FLT3: variants seen among roughly 807,000 people sequenced by gnomAD.
FLT3 encodes fms related receptor tyrosine kinase 3, also known as receptor-type tyrosine-protein kinase FLT3.
A neutral mutation model predicts 126.6 loss-of-function variants in FLT3; 46 were observed. The observed-to-expected ratio is 0.36, with a 90% CI of 0.29 to 0.46. The LOEUF (loss-of-function observed/expected upper bound fraction) is 0.46, where lower values mean the gene tolerates loss of function less well. FLT3 is among the 20% of genes least tolerant of loss of function. The pLI, the probability that FLT3 is intolerant of heterozygous loss-of-function variation, is 1.00. For missense variants in FLT3, 1,069 were observed against 1,190.3 expected, an observed-to-expected ratio of 0.90 and a Z score of 1.50; for synonymous variants, 404 against 434.4, an observed-to-expected ratio of 0.93 and a Z score of 0.87.
At position 28,027,079 on chromosome 13, in the gene FLT3, GCCTCTTA is replaced by G. The variant is rs1204002800; in HGVS notation, c.2207+2_2207+8del. On this transcript the variant is annotated splice_donor_variant and splice_donor_5th_base_variant and intron_variant, in intron 17 of 23. Coordinates refer to ENST00000241453, the MANE Select transcript of FLT3 (RefSeq NM_004119.3). LOFTEE classifies it high-confidence loss of function. Reference sequence around the variant, plus strand: ...TGTGTAATTACGAAACCCTGACCCAGCCTCTTACCTGGAATTTGGATGTGATTGGAAA... The same window carrying G: ...TGTGTAATTACGAAACCCTGACCCAGCCTGGAATTTGGATGTGATTGGAAA... The G allele has an allele frequency of 2.5e-6, 4 of 1,611,974 alleles. No individual in the cohort carries two copies. Among genetic ancestry groups the G allele is most frequent in the Non-Finnish European group, 3.4e-6 (4 of 1,178,808 alleles).
rs1873751847 is a variant in FLT3, at chr13:28,035,525, A to T, written c.1567T>A (p.Ser523Thr). 3.1e-6 allele frequency: 5 copies of T among 1,613,962 alleles called. No homozygotes were observed. In the East Asian group the frequency reaches 1.1e-4, roughly 36 times the overall value. The change falls in exon 12 of 24, where the codon TCT becomes ACT. Residue 523 changes from serine to threonine, a missense_variant. Ser to Thr is a moderately conservative substitution (Grantham distance 58). Coordinates refer to ENST00000241453, the MANE Select transcript of FLT3 (RefSeq NM_004119.3). ...KCCAYNSLGT[S>T]CETILLNSPG... ...GAGTTTAAAAGGATCGTCTCACAAG[A>T]TGTGCCAAGGGAATTGTATGCACAG...
intron 1 of FLT3, among the ~76,000 whole-genome samples, chr13:28,094,550 A>T (rs1488981877): frequency 1.3e-5 from 2 of 152,046 alleles, no homozygotes; most frequent in Non-Finnish European, 2.9e-5. Context: ...CCCACGTTAG[A>T]GTACAGTGGC....
Position 28,067,108 on chromosome 13 carries a change from C to T in FLT3, c.165+3383G>A, listed in dbSNP as rs571346160. Among the ~76,000 whole-genome samples the T allele has an allele frequency of 1.4e-3, 214 of 152,330 alleles. 1 individual carries two copies. Among genetic ancestry groups the T allele is most frequent in the African/African-American group, 4.5e-3 (188 of 41,582 alleles). On this transcript the variant is annotated intron_variant, in intron 2 of 23. Coordinates refer to ENST00000241453, the MANE Select transcript of FLT3 (RefSeq NM_004119.3). The stretch of plus-strand genomic sequence containing the variant: ...CATGATTTCAGCTCACCGCAACCTC[C>T]GCCTCTGGGGTTCAAGCGATTCTCC...
intron 16 of FLT3, among the ~76,000 whole-genome samples, chr13:28,027,668 G>C (rs1274660902): frequency 6.6e-6 from 1 of 152,150 alleles, no homozygotes; most frequent in African/African-American, 2.4e-5. Flanking sequence ...ACCAGCCCCA[G>C]GCCTGCTGCT....
In FLT3 at chr13:28,062,039, C is replaced by T. The variant is rs572460566; in HGVS notation, c.196G>A (p.Ala66Thr). Residue 66 changes from alanine (A) to threonine (T), a missense_variant, in exon 3 of 24, where the codon GCG (alanine) becomes ACG (threonine). Physicochemically the swap from Ala to Thr is moderately conservative, Grantham distance 58. Transcript: ENST00000241453. ...GTCCCTGAGCTCTGGGGTCTCAACG[C>T]ACACCCGAGGTCTTCCGGGGATTCT... is the stretch of plus-strand genomic sequence containing the variant. ...VSESPEDLGC[A>T]LRPQSSGTVY... 55 of 1,612,518 alleles carry T rather than the reference C, an allele frequency of 3.4e-5. No homozygotes were observed. Among genetic ancestry groups the T allele is most frequent in the Non-Finnish European group, 4.4e-5 (52 of 1,179,976 alleles).
At chr13:28,038,244 C>T (rs552902674) in intron 9 of FLT3, among the ~76,000 whole-genome samples, 13 of 152,256 alleles carry the variant, frequency 8.5e-5, no homozygotes, top group South Asian at 6.2e-4. Context: ...CTGTCCACCA[C>T]GCCCAGCAGG....
chr13:28,090,150 C>G (rs1409051807), intron 1 of FLT3, among the ~76,000 whole-genome samples: 19 of 151,848 alleles, frequency 1.3e-4, no homozygotes, highest in Non-Finnish European at 1.5e-5. Flanking sequence ...AAATGATTAT[C>G]CTGCCTCAGC....
chr13:28,014,348 G>A, intron 23 of FLT3, 104 bp downstream of exon 23: 2 of 796,672 alleles, frequency 2.5e-6, no homozygotes, highest in Non-Finnish European at 4.2e-6. Context: ...AAACTGCAAT[G>A]AGAATGACAA....
intron 1 of FLT3, among the ~76,000 whole-genome samples, chr13:28,080,085 T>C (rs1878219401): frequency 6.6e-6 from 1 of 152,032 alleles, no homozygotes; most frequent in South Asian, 2.1e-4. Context: ...TCTAAAACAC[T>C]GGGGATCTGG....
intron 2 of FLT3, among the ~76,000 whole-genome samples, chr13:28,069,764 T>C (rs1877341174): frequency 1.3e-5 from 2 of 152,156 alleles, no homozygotes. Context: ...TGTTTAGGTA[T>C]TATAAAGCAT....
intron 2 of FLT3, among the ~76,000 whole-genome samples, chr13:28,070,021 G>A (rs559813674): frequency 1.3e-5 from 2 of 152,270 alleles, no homozygotes; most frequent in East Asian, 1.9e-4. Context: ...AGGTTGAAGT[G>A]GGAGGATTGC....
At chr13:28,061,753 A>C in intron 3 of FLT3, 114 bp downstream of exon 3, 1 of 749,140 alleles carries the variant, frequency 1.3e-6, no homozygotes, top group Non-Finnish European at 2.2e-6. Context: ...CCTGGGTGAC[A>C]GAGAGAGACC....
Position 28,100,429 on chromosome 13 carries a change from G to A in FLT3, c.43+39C>T. ...TCCACACTGCGGGGTGGGGGCTGAGGGACCGCGAGGGGCTGCGAGCGAGCG... is the reference window on the plus strand; with the variant it reads ...TCCACACTGCGGGGTGGGGGCTGAGAGACCGCGAGGGGCTGCGAGCGAGCG... On this transcript the variant is annotated intron_variant, in intron 1 of 23. Coordinates refer to ENST00000241453, the MANE Select transcript of FLT3 (RefSeq NM_004119.3). The surrounding 1 kb of genome is among the most constrained non-coding windows in gnomAD (Gnocchi z 4.8). 1 of 1,211,818 alleles carries A rather than the reference G, an allele frequency of 8.3e-7. No homozygotes were observed. The highest frequency in any genetic ancestry group is 1.0e-6 in the Non-Finnish European group (1 of 973,784). 75.1% of individuals were successfully genotyped at this position (1,211,818 alleles called of 1,614,324 possible). A position where few individuals can be genotyped will look rare whatever the true frequency, so the allele number is the denominator to read the frequency against.
chr13:28,027,105 T>C lies in FLT3; in HGVS notation c.2190A>G (p.Gln730=). Residue 730 remains glutamine (Q), a synonymous_variant, in exon 17 of 24, where the codon CAA becomes CAG. Transcript: ENST00000241453. ...CCTCTTACCTGGAATTTGGATGTGA[T>C]TGGAAAGTGGGGTAAAAACTGAAAT... is the stretch of plus-strand genomic sequence containing the variant. ...EHNFSFYPTF[Q]SHPNSSMPGS... 1 of 1,613,638 alleles carries C rather than the reference T, an allele frequency of 6.2e-7. No individual in the cohort carries two copies. The highest frequency in any genetic ancestry group is 1.7e-5 in the Admixed American group (1 of 59,928).
chr13:28,077,096 A>AC (rs58457473), intron 1 of FLT3, among the ~76,000 whole-genome samples: 2 of 9,256 alleles, frequency 2.2e-4, no homozygotes, highest in Non-Finnish European at 6.9e-3. Flanking sequence ...AGAAAAAGAG[A>AC]AAAAGAAAGA....
rs1044028442 is a variant in FLT3, at chr13:28,048,459, G to A, written c.1037-16C>T. 1.3e-6 allele frequency: 2 copies of A among 1,515,428 alleles called. No individual in the cohort carries two copies. The highest frequency in any genetic ancestry group is 1.1e-5 in the South Asian group (1 of 87,650). The allele number at this position is 1,515,428 out of a possible 1,614,324, so 93.9% of individuals were successfully genotyped here. On this transcript the variant is annotated splice_polypyrimidine_tract_variant and intron_variant, in intron 8 of 23. Coordinates refer to ENST00000241453, the MANE Select transcript of FLT3 (RefSeq NM_004119.3). ...AATCCCTTTTCTGTAAGAAAAAATA[G>A]GCATTTATGAGTTAGTTAATAATAT...
intron 23 of FLT3, chr13:28,009,397 T>C (rs1429365923): frequency 1.3e-5 from 2 of 152,398 alleles, no homozygotes; most frequent in South Asian, 2.1e-4. Context: ...GTGTTACCCT[T>C]GTCCTTGTTT....
chr13:28,084,171 T>C (rs1878504394), intron 1 of FLT3, among the ~76,000 whole-genome samples: 2 of 151,944 alleles, frequency 1.3e-5, no homozygotes, highest in South Asian at 4.2e-4. Flanking sequence ...TTTTTTTATT[T>C]TTTGGGAGAC....
chr13:28,046,581 A>G (rs941611979), intron 9 of FLT3, among the ~76,000 whole-genome samples: 15 of 152,280 alleles, frequency 9.9e-5, no homozygotes, highest in African/African-American at 3.6e-4. Context: ...ATCAATGTAA[A>G]AATTGTTTTA....
Sources: gnomAD v4.1 joint callset for allele counts (sites outside exome capture counted in the v4.1 genomes callset) on GRCh38, gnomAD v4.1.1 for gene constraint, Gnocchi (gnomAD v3.1) non-coding constraint, MANE v1.5 for transcripts, NCBI Gene and HGNC (gene_info 2026-07-23, HGNC 2026-07-21) for gene names.